PADI6: variants seen among roughly 807,000 people sequenced by gnomAD.
PADI6 encodes peptidyl arginine deiminase 6, also known as inactive protein-arginine deiminase type-6.
Under a neutral mutation model 78.2 loss-of-function variants are expected in PADI6, and 66 were observed. The observed-to-expected ratio is 0.84, with a 90% CI of 0.69 to 1.04. The LOEUF (loss-of-function observed/expected upper bound fraction) is 1.04. Among genes scored for constraint, PADI6 ranks in the 50% least tolerant of loss-of-function variants. The probability of loss-of-function intolerance (pLI) is 0.00; values close to 1 mark genes in which losing one functional copy is unlikely to be tolerated. For missense variants in PADI6, 854 were observed against 866.1 expected (o/e 0.99, Z 0.18); for synonymous variants, 397 against 346.9 (o/e 1.14, Z -1.60).
chr1:17,381,870 CTG>C, intron 5 of PADI6, 95 bp from the exon 6 acceptor site: 7 of 1,422,686 alleles, frequency 4.9e-6, no homozygotes, highest in Non-Finnish European at 6.8e-6. Context: ...CCTTGGTGCT[CTG>C]TTCAAACTCC....
chr1:17,382,666 C>T (rs2075084318), intron 6 of PADI6, among the ~76,000 whole-genome samples: 1 of 150,036 alleles, frequency 6.7e-6, no homozygotes, highest in South Asian at 2.1e-4. Flanking sequence ...TCCAGCAAAA[C>T]AGCCTTGCAC....
chr1:17,391,199 G>A (rs1480564337), intron 8 of PADI6, among the ~76,000 whole-genome samples: 1 of 136,168 alleles, frequency 7.3e-6, no homozygotes, highest in Non-Finnish European at 1.6e-5. Context: ...GGACCTGTTT[G>A]TTCCGTTTGT....
At chr1:17,396,231 C>T (rs112546525) in intron 13 of PADI6, among the ~76,000 whole-genome samples, 1,661 of 152,132 alleles carry the variant, frequency 0.011, 37 homozygotes, top group African/African-American at 0.035. Flanking sequence ...ACTAAAGATA[C>T]GAAAATTAGC....
intron 5 of PADI6, 66 bp from the exon 6 acceptor site, chr1:17,381,901 C>T (rs1373768961): frequency 6.3e-7 from 1 of 1,599,278 alleles, no homozygotes; most frequent in South Asian, 1.1e-5. Flanking sequence ...CTCTACTGCT[C>T]TTCCCTCCAC....
chr1:17,388,332 C>G, intron 6 of PADI6, 49 bp from the exon 7 acceptor site: 1 of 1,500,720 alleles, frequency 6.7e-7, no homozygotes, highest in Non-Finnish European at 9.0e-7. Context: ...CAAATGTGAC[C>G]GGCACCAGGT....
rs769557749 is a variant in PADI6, at chr1:17,388,857, G to C, written c.939G>C (p.Val313=). The change falls in exon 8 of 16, where the codon GTG becomes GTC. Residue 313 remains valine (V), a synonymous_variant. Transcript: ENST00000619609. ...APCVFIPCTQ[V]PLEVYLCREL... is the part of the protein sequence containing the mutation. Reference sequence around the variant, plus strand: ...GTGTCTTCATTCCCTGTACCCAGGTGCCTCTGGAGGTTTACCTGTGCAGGT... The same window carrying C: ...GTGTCTTCATTCCCTGTACCCAGGTCCCTCTGGAGGTTTACCTGTGCAGGT... 6.2e-7 allele frequency: 1 copy of C among 1,613,652 alleles called. No individual in the cohort carries two copies. The highest frequency in any genetic ancestry group is 2.2e-5 in the East Asian group (1 of 44,882).
chr1:17,373,074 C>T lies in PADI6; in HGVS notation c.135C>T (p.Cys45=), dbSNP rs771669452. 89 of 1,613,764 alleles carry T rather than the reference C, an allele frequency of 5.5e-5. No individual in the cohort carries two copies. Among genetic ancestry groups the T allele is most frequent in the Non-Finnish European group, 7.5e-5 (88 of 1,179,804 alleles). The part of the protein sequence containing the change: ...LDLSGCAPQK[C]QCFTIHGSGR... ...AAACCAGGTGTGCCCCCCAGAAGTGCCAGTGCTTCACCATCCATGGCTCTG... is the reference window on the plus strand; with the variant it reads ...AAACCAGGTGTGCCCCCCAGAAGTGTCAGTGCTTCACCATCCATGGCTCTG... Residue 45 remains cysteine, a synonymous_variant, in exon 2 of 16, where the codon TGC becomes TGT. Coordinates refer to ENST00000619609, the MANE Select transcript of PADI6 (RefSeq NM_207421.4).
intron 15 of PADI6, among the ~76,000 whole-genome samples, chr1:17,400,609 TCAC>T (rs1225343519): frequency 1.3e-5 from 2 of 152,238 alleles, no homozygotes; most frequent in African/African-American, 4.8e-5. Flanking sequence ...GGTCCTGGCT[TCAC>T]CAAGCCTATG....
intron 3 of PADI6, among the ~76,000 whole-genome samples, chr1:17,376,606 G>A (rs971473475): frequency 1.3e-5 from 2 of 151,134 alleles, no homozygotes; most frequent in East Asian, 2.0e-4. Context: ...CACTGTGTTG[G>A]CCAGGCTGGT....
chr1:17,373,337 C>A, intron 2 of PADI6, 104 bp downstream of exon 2: 1 of 1,351,092 alleles, frequency 7.4e-7, no homozygotes, highest in Non-Finnish European at 1.0e-6. Flanking sequence ...CTGGGAAACA[C>A]GTTGTTTTGC....
At chr1:17,381,914 C>G in intron 5 of PADI6, 53 bp from the exon 6 acceptor site, 3 of 1,608,742 alleles carry the variant, frequency 1.9e-6, no homozygotes, top group South Asian at 1.1e-5. Flanking sequence ...CCCTCCACCC[C>G]CAGAGTGCTG....
rs145045383 is a variant in PADI6 at position 17,394,621 on chromosome 1, A to G, written c.1337+167A>G. 2.9e-3 allele frequency among the ~76,000 whole-genome samples: 441 copies of G among 152,292 alleles called. 1 individual carries two copies. The highest frequency in any genetic ancestry group is 0.014 in the Middle Eastern group (4 of 294). On this transcript the variant is annotated intron_variant, in intron 11 of 15. Transcript: ENST00000619609. ...ACGTGGGAGACTAAAGATGAGAATA[A>G]ACCATTTATTCTTTGATTCCAGGGT...
rs1291922396 is a variant in PADI6, at chr1:17,398,855, G to A, written c.1851+8G>A. ...CCATACTTCCCTGACCTGGTGAGGGGCGACTGCGCATCCCTGGGTGGGGGA... is the reference window on the plus strand; with the variant it reads ...CCATACTTCCCTGACCTGGTGAGGGACGACTGCGCATCCCTGGGTGGGGGA... On this transcript the variant is annotated splice_region_variant and intron_variant, in intron 15 of 15. Coordinates refer to ENST00000619609, the MANE Select transcript of PADI6 (RefSeq NM_207421.4). 4.5e-5 allele frequency: 72 copies of A among 1,612,606 alleles called. No individual in the cohort carries two copies. The highest frequency in any genetic ancestry group is 6.1e-5 in the Non-Finnish European group (72 of 1,179,340).
intron 9 of PADI6, among the ~76,000 whole-genome samples, chr1:17,393,564 C>T (rs759187326): frequency 1.2e-4 from 18 of 152,138 alleles, no homozygotes; most frequent in South Asian, 2.1e-4. Context: ...TGCAGTGGCG[C>T]GATCTCAGCT....
At chr1:17,387,218 T>C (rs566411261) in intron 6 of PADI6, among the ~76,000 whole-genome samples, 1 of 151,206 alleles carries the variant, frequency 6.6e-6, no homozygotes, top group East Asian at 2.0e-4. Context: ...CTGAGGCAGA[T>C]GGATTGCCTG....
intron 15 of PADI6, among the ~76,000 whole-genome samples, chr1:17,400,568 T>G (rs2075292447): frequency 6.6e-6 from 1 of 152,184 alleles, no homozygotes; most frequent in South Asian, 2.1e-4. Context: ...AACCAGAAGT[T>G]ATAGTCAAGA....
chr1:17,387,075 T>C (rs1024926602), intron 6 of PADI6, among the ~76,000 whole-genome samples: 4 of 151,792 alleles, frequency 2.6e-5, no homozygotes, highest in Non-Finnish European at 4.4e-5. Context: ...CGGGCACAGA[T>C]AGAGGACAGG....
intron 3 of PADI6, among the ~76,000 whole-genome samples, chr1:17,376,714 G>C (rs2075021303): frequency 6.6e-6 from 1 of 151,814 alleles, no homozygotes; most frequent in African/African-American, 2.4e-5. Context: ...GTCTTTTAAA[G>C]TCTATTCTCC....
intron 13 of PADI6, among the ~76,000 whole-genome samples, chr1:17,396,020 T>A (rs987480729): frequency 6.6e-6 from 1 of 152,072 alleles, no homozygotes; most frequent in Admixed American, 6.6e-5. Flanking sequence ...GGTCTCCTGG[T>A]TACATTAAGG....
Sources: gnomAD v4.1 joint callset for allele counts (sites outside exome capture counted in the v4.1 genomes callset) on GRCh38, gnomAD v4.1.1 for gene constraint, MANE v1.5 for transcripts, NCBI Gene and HGNC (gene_info 2026-07-23, HGNC 2026-07-21) for gene names.